The following PRSS23 variants were observed in gnomAD, a reference collection of about 807,000 sequenced individuals.
The protein encoded by PRSS23 is protease, serine 23.
In PRSS23, 25 loss-of-function variants were observed where a neutral mutation model predicts 34.7. That is an observed-to-expected ratio of 0.72 (90% CI 0.53 to 1.01). The LOEUF is 1.01. Among genes scored for constraint, PRSS23 ranks in the 50% least tolerant of loss-of-function variants. PRSS23 has a pLI of 0.00. For missense variants in PRSS23, 445 were observed against 475.6 expected (o/e 0.94, Z 0.60); for synonymous variants, 176 against 186.6 (o/e 0.94, Z 0.46).
downstream of PRSS23, among the ~76,000 whole-genome samples, chr11:86,813,485 G>T (rs565642037): frequency 3.3e-4 from 51 of 152,274 alleles, no homozygotes; most frequent in African/African-American, 1.2e-3. Context: ...CATCTTACTT[G>T]CTGGGGGATA....
At chr11:86,830,684 C>T (rs915595820) in intron 2 of PRSS23, among the ~76,000 whole-genome samples, 2 of 152,282 alleles carry the variant, frequency 1.3e-5, no homozygotes, top group South Asian at 2.1e-4. Flanking sequence ...ATCACAGGGG[C>T]TATACACCCC....
At chr11:86,899,357 A>G (rs1948896300) in intron 2 of PRSS23, among the ~76,000 whole-genome samples, 1 of 152,052 alleles carries the variant, frequency 6.6e-6, no homozygotes, top group Admixed American at 6.5e-5. Context: ...CATCTCTACA[A>G]AACATACAAA....
chr11:86,839,322 C>T (rs1205740794), intron 2 of PRSS23, among the ~76,000 whole-genome samples: 1 of 151,848 alleles, frequency 6.6e-6, no homozygotes, highest in Non-Finnish European at 1.5e-5. Context: ...GAGCTGAAAA[C>T]CACAGCAGGA....
chr11:86,800,419 T>G, upstream of PRSS23: 1 of 978,264 alleles, frequency 1.0e-6, no homozygotes, highest in Non-Finnish European at 1.2e-6. Flanking sequence ...GGGGGCACGG[T>G]TTATGTGCAG....
chr11:86,807,900 C>G lies in PRSS23; in HGVS notation c.257C>G (p.Ser86Cys). The G allele has an allele frequency of 6.2e-7, 1 of 1,614,184 alleles. No individual in the cohort carries two copies. The highest frequency in any genetic ancestry group is 8.5e-7 in the Non-Finnish European group (1 of 1,180,036). The change falls in exon 2 of 2, where the codon TCT becomes TGT. Residue 86 changes from serine to cysteine, a missense_variant. Coordinates refer to ENST00000280258, the MANE Select transcript of PRSS23 (RefSeq NM_007173.6). ...TACGAAGAGGCCAAGCAATATCTGT[C>G]TTATGAAACGCTCTATGCCAATGGC... Reference protein sequence around the residue: ...PTYEEAKQYLSYETLYANGSR... With the variant: ...PTYEEAKQYLCYETLYANGSR...
chr11:86,876,633 C>A (rs1181979830), intron 2 of PRSS23, among the ~76,000 whole-genome samples: 7 of 152,026 alleles, frequency 4.6e-5, no homozygotes, highest in African/African-American at 1.4e-4. Flanking sequence ...CCACCACAGA[C>A]CTACTGAATC....
At chr11:86,860,805 C>G (rs1167390140) in intron 2 of PRSS23, among the ~76,000 whole-genome samples, 2 of 151,880 alleles carry the variant, frequency 1.3e-5, no homozygotes, top group Non-Finnish European at 2.9e-5. Context: ...CCCTCAGTAT[C>G]GCGGGAAATG....
chr11:86,861,927 T>C (rs1948618465), intron 2 of PRSS23, among the ~76,000 whole-genome samples: 1 of 151,976 alleles, frequency 6.6e-6, no homozygotes, highest in Non-Finnish European at 1.5e-5. Context: ...GAGAGGATGA[T>C]ATTACTTCCC....
chr11:86,887,022 G>A (rs1305410202), intron 2 of PRSS23, among the ~76,000 whole-genome samples: 4 of 152,170 alleles, frequency 2.6e-5, no homozygotes, highest in Non-Finnish European at 4.4e-5. Context: ...TTATTACTAT[G>A]TGCCACCTAA....
At chr11:86,838,478 C>T (rs970464043) in intron 2 of PRSS23, among the ~76,000 whole-genome samples, 3 of 152,214 alleles carry the variant, frequency 2.0e-5, no homozygotes, top group Non-Finnish European at 4.4e-5. Flanking sequence ...GAAGCTCAAA[C>T]TGGCTGGAAC....
intron 2 of PRSS23, among the ~76,000 whole-genome samples, chr11:86,828,338 AT>A (rs1565357896): frequency 6.6e-6 from 1 of 150,984 alleles, no homozygotes; most frequent in Non-Finnish European, 1.5e-5. Flanking sequence ...TTTGTTTTCC[AT>A]TTGCTTGGTA....
chr11:86,841,555 A>G, intron 2 of PRSS23, among the ~76,000 whole-genome samples: 1 of 152,162 alleles, frequency 6.6e-6, no homozygotes, highest in East Asian at 1.9e-4. Flanking sequence ...AATAAAGAAG[A>G]AAAGAAGAAA....
chr11:86,828,406 T>A (rs1948321499), intron 2 of PRSS23, among the ~76,000 whole-genome samples: 1 of 152,170 alleles, frequency 6.6e-6, no homozygotes, highest in African/African-American at 2.4e-5. Flanking sequence ...ATGAGATGGG[T>A]TTCCTGAATA....
At chr11:86,823,357 C>T (rs933843039) in intron 1 of PRSS23, 1 of 700,906 alleles carries the variant, frequency 1.4e-6, no homozygotes, top group Non-Finnish European at 2.6e-6. Context: ...CTTGCTGTCT[C>T]TGTGTTTCAT....
At chr11:86,905,085 C>G (rs11234870) in intron 2 of PRSS23, among the ~76,000 whole-genome samples, 2 of 151,834 alleles carry the variant, frequency 1.3e-5, no homozygotes, top group Non-Finnish European at 2.9e-5. Context: ...AACAAAAAAA[C>G]CCATTTATTT....
chr11:86,801,547 G>GTGCAC (rs1264077059), intron 1 of PRSS23, among the ~76,000 whole-genome samples: 1 of 152,196 alleles, frequency 6.6e-6, no homozygotes, highest in Non-Finnish European at 1.5e-5. Flanking sequence ...AGGGCTCCCT[G>GTGCAC]TGCACTCCTT....
At position 86,807,670 on chromosome 11, in the gene PRSS23, C is replaced by G; in HGVS notation, c.27C>G (p.Phe9Leu). Reference sequence around the variant, plus strand: ...TGGCAGGGATTCCAGGGCTCCTCTTCCTTCTCTTCTTTCTGCTCTGTGCTG... The same window carrying G: ...TGGCAGGGATTCCAGGGCTCCTCTTGCTTCTCTTCTTTCTGCTCTGTGCTG... MAGIPGLL[F>L]LLFFLLCAVG... is the part of the protein sequence containing the mutation. Residue 9 changes from phenylalanine to leucine, a missense_variant, in exon 2 of 2, where the codon TTC becomes TTG. Physicochemically the swap from Phe to Leu is conservative, Grantham distance 22 (BLOSUM62 0). Transcript: ENST00000280258. 1 of 1,612,498 alleles carries G rather than the reference C, an allele frequency of 6.2e-7. No homozygotes were observed. Among genetic ancestry groups the G allele is most frequent in the East Asian group, 2.2e-5 (1 of 44,838 alleles).
chr11:86,879,535 C>T lies in PRSS23; in HGVS notation c.206+55942C>T, dbSNP rs573535846. ...CCCCCACCCGGCCAGCCGCCCCGTC[C>T]GGGAGGGAGGTGGGGGGGTCAGCCC... On this transcript the variant is annotated intron_variant, in intron 2 of 2. Coordinates refer to the PRSS23 transcript ENST00000533902. 3.5e-4 allele frequency among the ~76,000 whole-genome samples: 46 copies of T among 129,590 alleles called. 1 individual carries two copies. Among genetic ancestry groups the T allele is most frequent in the African/African-American group, 8.2e-4 (28 of 34,002 alleles). The allele number at this position is 129,590 out of a possible 152,430, so 85.0% of individuals were successfully genotyped here. A position where few individuals can be genotyped will look rare whatever the true frequency, so the allele number is the denominator to read the frequency against.
At chr11:86,841,353 G>A (rs28843452) in intron 2 of PRSS23, among the ~76,000 whole-genome samples, 14,197 of 61,624 alleles carry the variant, frequency 0.23, 980 homozygotes, top group East Asian at 0.41. Flanking sequence ...AAAAAAAAAA[G>A]AAGAAGAAAA....
Sources: gnomAD v4.1 joint callset for allele counts (sites outside exome capture counted in the v4.1 genomes callset) on GRCh38, gnomAD v4.1.1 for gene constraint, MANE v1.5 for transcripts, NCBI Gene and HGNC (gene_info 2026-07-23, HGNC 2026-07-21) for gene names.